ZC3H12B: variants seen among roughly 807,000 people sequenced by gnomAD.
The protein encoded by ZC3H12B is probable ribonuclease ZC3H12B.
A neutral mutation model predicts 43.9 loss-of-function variants in ZC3H12B; 7 were observed. The observed-to-expected ratio is 0.16, with a 90% CI of 0.09 to 0.30. The LOEUF is 0.30. ZC3H12B is among the 10% of genes least tolerant of loss of function. ZC3H12B has a pLI of 1.00. For missense variants in ZC3H12B, 475 were observed against 670.2 expected, an observed-to-expected ratio of 0.71 and a Z score of 3.22; for synonymous variants, 222 against 241.7, an observed-to-expected ratio of 0.92 and a Z score of 0.76.
intron 3 of ZC3H12B, among the ~76,000 whole-genome samples, chrX:65,411,799 C>T (rs780852347): frequency 1.0e-4 from 11 of 109,464 alleles, no homozygotes; most frequent in East Asian, 2.8e-4. Context: ...AGGATAAATG[C>T]TTGAGTGGAT....
chrX:65,314,431 C>A, the ZC3H12B span, among the ~76,000 whole-genome samples: 962 of 110,757 alleles, frequency 8.7e-3, 11 homozygotes, highest in Admixed American at 0.044. Flanking sequence ...TTAAGTACAG[C>A]GGACAGTGAT....
the ZC3H12B span, among the ~76,000 whole-genome samples, chrX:65,224,638 G>C: frequency 2.7e-5 from 3 of 112,124 alleles, no homozygotes; most frequent in African/African-American, 9.7e-5. Flanking sequence ...AGGGGTGACA[G>C]ATGGCACCTG....
the ZC3H12B span, among the ~76,000 whole-genome samples, chrX:65,177,880 C>T: frequency 8.9e-6 from 1 of 112,008 alleles, no homozygotes; most frequent in African/African-American, 3.2e-5. Flanking sequence ...TTGCTGTCCC[C>T]ATCAAACAAC....
At chrX:65,329,582 T>G in the ZC3H12B span, among the ~76,000 whole-genome samples, 1 of 107,770 alleles carries the variant, frequency 9.3e-6, no homozygotes, top group Admixed American at 9.6e-5. Context: ...TTTTGTCTTT[T>G]GTTGCCATTG....
At chrX:65,162,596 G>A in the ZC3H12B span, among the ~76,000 whole-genome samples, 2 of 111,732 alleles carry the variant, frequency 1.8e-5, no homozygotes, top group Non-Finnish European at 3.8e-5. Flanking sequence ...CGTAGTTCTC[G>A]AGTCTTGGCT....
chrX:65,165,047 A>T, the ZC3H12B span, among the ~76,000 whole-genome samples: 1 of 111,903 alleles, frequency 8.9e-6, no homozygotes, highest in Non-Finnish European at 1.9e-5. Flanking sequence ...AGTGCTTTAA[A>T]CGAAGTTATA....
At chrX:65,415,683 G>C (rs1035320554) in intron 3 of ZC3H12B, among the ~76,000 whole-genome samples, 2 of 112,043 alleles carry the variant, frequency 1.8e-5, no homozygotes, top group Non-Finnish European at 3.8e-5. Context: ...CCTTGGCTGA[G>C]AGGAGGGGTC....
the ZC3H12B span, among the ~76,000 whole-genome samples, chrX:65,116,285 C>A: frequency 1.1e-3 from 119 of 111,651 alleles, 1 homozygote; most frequent in East Asian, 0.023. Context: ...ATTATCCCAG[C>A]ACCATTTGTT....
chrX:65,199,711 A>T, the ZC3H12B span, among the ~76,000 whole-genome samples: 1 of 110,876 alleles, frequency 9.0e-6, no homozygotes, highest in African/African-American at 3.3e-5. Context: ...GTTTTCTGTA[A>T]CTGCATTTGT....
chrX:65,148,262 C>A, the ZC3H12B span, among the ~76,000 whole-genome samples: 1 of 110,948 alleles, frequency 9.0e-6, no homozygotes, highest in Non-Finnish European at 1.9e-5. Context: ...AAATCTTGGA[C>A]GGGCCTGGAG....
intron 3 of ZC3H12B, among the ~76,000 whole-genome samples, chrX:65,458,855 AG>A (rs2067680772): frequency 9.0e-6 from 1 of 111,678 alleles, no homozygotes; most frequent in Non-Finnish European, 1.9e-5. Context: ...GAAATAACTA[AG>A]ATCAGAGCAG....
chrX:65,180,350 T>C, the ZC3H12B span, among the ~76,000 whole-genome samples: 2 of 112,048 alleles, frequency 1.8e-5, no homozygotes, highest in Non-Finnish European at 3.8e-5. Context: ...TGATGGAACA[T>C]ATCTCAAAAT....
chrX:65,331,051 C>T, the ZC3H12B span: 1 of 331,404 alleles, frequency 3.0e-6, no homozygotes, highest in Non-Finnish European at 5.9e-6. Flanking sequence ...TATTTGAGTA[C>T]TCTGTTCTCT....
chrX:65,095,162 G>A, the ZC3H12B span, among the ~76,000 whole-genome samples: 2 of 112,014 alleles, frequency 1.8e-5, no homozygotes, highest in South Asian at 7.4e-4. Flanking sequence ...GTGATGTTAA[G>A]TCAAATGTTT....
At chrX:65,471,557 T>A (rs1402281660) in intron 3 of ZC3H12B, among the ~76,000 whole-genome samples, 1 of 106,402 alleles carries the variant, frequency 9.4e-6, no homozygotes, top group Non-Finnish European at 1.9e-5. Context: ...TTCAAGCAAT[T>A]CTCCTGCCTC....
At chrX:65,224,817 G>C in the ZC3H12B span, among the ~76,000 whole-genome samples, 1 of 112,006 alleles carries the variant, frequency 8.9e-6, no homozygotes, top group South Asian at 3.7e-4. Flanking sequence ...CAGCGAGGCT[G>C]GGGGAAGGGT....
At chrX:65,111,156 CG>C in the ZC3H12B span, among the ~76,000 whole-genome samples, 6 of 110,879 alleles carry the variant, frequency 5.4e-5, 1 homozygote, top group East Asian at 1.7e-3. Context: ...TCTACATAGA[CG>C]GTATATCATC....
the ZC3H12B span, among the ~76,000 whole-genome samples, chrX:65,218,521 G>T: frequency 9.0e-6 from 1 of 111,405 alleles, no homozygotes; most frequent in Non-Finnish European, 1.9e-5. Context: ...CTGCATGGGA[G>T]CTGGGTGAGG....
At chrX:65,048,409 A>C in the ZC3H12B span, among the ~76,000 whole-genome samples, 1 of 111,255 alleles carries the variant, frequency 9.0e-6, no homozygotes, top group Non-Finnish European at 1.9e-5. Context: ...TACTGTTTTC[A>C]ATTCTTTTGG....
Sources: gnomAD v4.1 joint callset for allele counts (sites outside exome capture counted in the v4.1 genomes callset) on GRCh38, gnomAD v4.1.1 for gene constraint, MANE v1.5 for transcripts, NCBI Gene and HGNC (gene_info 2026-07-23, HGNC 2026-07-21) for gene names.